The following SLX4IP variants were observed in gnomAD, a reference collection of about 807,000 sequenced individuals.
The protein encoded by SLX4IP is protein SLX4IP.
Under a neutral mutation model 32.9 loss-of-function variants are expected in SLX4IP, and 34 were observed. The observed-to-expected ratio is 1.03, with a 90% CI of 0.79 to 1.38. The LOEUF (loss-of-function observed/expected upper bound fraction) is 1.38, where lower values mean the gene tolerates loss of function less well. Ranked by LOEUF, SLX4IP falls within the 40% of genes most tolerant of loss-of-function variation. SLX4IP has a pLI of 0.00. For synonymous variants in SLX4IP, 172 were observed against 171.7 expected, an observed-to-expected ratio of 1.00 and a Z score of -0.01; for missense variants, 444 against 479.0, an observed-to-expected ratio of 0.93 and a Z score of 0.68.
chr20:10,602,149 C>T (rs532947515), intron 6 of SLX4IP, among the ~76,000 whole-genome samples: 4 of 152,238 alleles, frequency 2.6e-5, no homozygotes, highest in African/African-American at 9.6e-5. Flanking sequence ...AAGCAAAATC[C>T]ACATGTTTCC....
intron 1 of SLX4IP, among the ~76,000 whole-genome samples, chr20:10,446,317 C>A (rs2065202012): frequency 1.3e-5 from 2 of 148,346 alleles, no homozygotes; most frequent in South Asian, 4.2e-4. Context: ...GAGGCTGAGG[C>A]AAGAGAATCA....
chr20:10,548,360 T>G (rs1286759530), intron 2 of SLX4IP, among the ~76,000 whole-genome samples: 2 of 152,124 alleles, frequency 1.3e-5, no homozygotes, highest in Non-Finnish European at 2.9e-5. Flanking sequence ...TGCCTCAGCC[T>G]CCCGAGTAGC....
intron 2 of SLX4IP, among the ~76,000 whole-genome samples, chr20:10,511,997 G>A (rs1004621350): frequency 1.9e-4 from 29 of 152,204 alleles, no homozygotes; most frequent in African/African-American, 6.3e-4. Flanking sequence ...GAGATTATGG[G>A]ATTGGAAAGC....
intron 2 of SLX4IP, among the ~76,000 whole-genome samples, chr20:10,482,346 G>A (rs906759986): frequency 1.3e-5 from 2 of 152,106 alleles, no homozygotes; most frequent in South Asian, 2.1e-4. Context: ...TAATTTAATC[G>A]TGGTCTTATG....
chr20:10,446,867 T>C (rs547069849), intron 1 of SLX4IP, among the ~76,000 whole-genome samples: 4 of 150,502 alleles, frequency 2.7e-5, no homozygotes, highest in African/African-American at 9.7e-5. Flanking sequence ...AATCCTTTGT[T>C]AGATATGGAT....
chr20:10,462,763 G>T (rs1249098310), intron 2 of SLX4IP, among the ~76,000 whole-genome samples: 1 of 152,182 alleles, frequency 6.6e-6, no homozygotes, highest in Admixed American at 6.5e-5. Context: ...GATGATTACT[G>T]TGTATTTTGC....
intron 6 of SLX4IP, among the ~76,000 whole-genome samples, chr20:10,620,851 G>A (rs967474570): frequency 6.6e-5 from 10 of 152,122 alleles, no homozygotes; most frequent in Admixed American, 3.3e-4. Context: ...CACTGCACCC[G>A]GCCACAAAAT....
At chr20:10,470,196 T>C (rs1270075658) in intron 2 of SLX4IP, among the ~76,000 whole-genome samples, 1 of 152,212 alleles carries the variant, frequency 6.6e-6, no homozygotes, top group African/African-American at 2.4e-5. Flanking sequence ...TTACCATTAC[T>C]GCTCATCCGA....
chr20:10,489,317 C>T (rs751745219), intron 2 of SLX4IP, among the ~76,000 whole-genome samples: 1 of 152,028 alleles, frequency 6.6e-6, no homozygotes, highest in Non-Finnish European at 1.5e-5. Flanking sequence ...AGGAAACCAC[C>T]ACCCCCCTCT....
chr20:10,603,990 G>A (rs1568766931), intron 6 of SLX4IP, among the ~76,000 whole-genome samples: 1 of 152,176 alleles, frequency 6.6e-6, no homozygotes, highest in Non-Finnish European at 1.5e-5. Context: ...TTCCCTTCCA[G>A]AACTGCCTTC....
chr20:10,609,542 C>T (rs2066941872), intron 6 of SLX4IP, among the ~76,000 whole-genome samples: 1 of 152,170 alleles, frequency 6.6e-6, no homozygotes, highest in Non-Finnish European at 1.5e-5. Context: ...TTCTCTCTAG[C>T]TCTTAGACCC....
chr20:10,528,680 G>C (rs1471089040), intron 2 of SLX4IP, among the ~76,000 whole-genome samples: 1 of 152,152 alleles, frequency 6.6e-6, no homozygotes, highest in Non-Finnish European at 1.5e-5. Context: ...CAACAGAGGA[G>C]GGCCTAGACT....
intron 2 of SLX4IP, among the ~76,000 whole-genome samples, chr20:10,463,515 T>C (rs1015771529): frequency 1.3e-5 from 2 of 152,200 alleles, no homozygotes; most frequent in African/African-American, 4.8e-5. Flanking sequence ...GTTTCTGAAC[T>C]GCAACCAAAG....
intron 2 of SLX4IP, among the ~76,000 whole-genome samples, chr20:10,552,141 C>T (rs2066223995): frequency 6.6e-6 from 1 of 152,204 alleles, no homozygotes; most frequent in South Asian, 2.1e-4. Context: ...GAAGCCAGAC[C>T]AGACCCTGGC....
chr20:10,512,564 TTA>T lies in SLX4IP; in HGVS notation c.28-43656_28-43655del, dbSNP rs989679931. ...TGTGCCCCACCATCCCTGTCTAATT[TTA>T]TATATATATAGGTGTGTGTATATAT... On this transcript the variant is annotated intron_variant, in intron 2 of 7. Coordinates refer to ENST00000334534, the MANE Select transcript of SLX4IP (RefSeq NM_001009608.3). Among the ~76,000 whole-genome samples the T allele has an allele frequency of 1.4e-4, 20 of 144,322 alleles. No homozygotes were observed. The Admixed American group carries it at 1.4e-3, about 10-fold the overall frequency. The allele number at this position is 144,322 out of a possible 152,430, so 94.7% of individuals were successfully genotyped here.
chr20:10,474,443 C>T (rs1269431539), intron 2 of SLX4IP, among the ~76,000 whole-genome samples: 1 of 152,214 alleles, frequency 6.6e-6, no homozygotes, highest in Non-Finnish European at 1.5e-5. Context: ...AATGAGGCCC[C>T]ATACAATGTC....
intron 2 of SLX4IP, among the ~76,000 whole-genome samples, chr20:10,486,223 C>T (rs1462588487): frequency 1.4e-5 from 2 of 147,316 alleles, no homozygotes. Context: ...CATCCTAACA[C>T]AGTCTTGCAA....
chr20:10,438,389 T>G (rs1262818758), intron 1 of SLX4IP, among the ~76,000 whole-genome samples: 1 of 151,960 alleles, frequency 6.6e-6, no homozygotes, highest in African/African-American at 2.4e-5. Flanking sequence ...TGCCGCATTG[T>G]CATCCCTCCA....
chr20:10,558,151 G>A (rs779478017), intron 3 of SLX4IP, among the ~76,000 whole-genome samples: 1 of 152,008 alleles, frequency 6.6e-6, no homozygotes, highest in African/African-American at 2.4e-5. Context: ...ACCAGCCTGG[G>A]CAACATGGTG....
Sources: allele counts gnomAD v4.1 joint callset (sites outside exome capture counted in the v4.1 genomes callset), GRCh38; gene constraint gnomAD v4.1.1; transcripts MANE v1.5; gene names NCBI Gene and HGNC (gene_info 2026-07-23, HGNC 2026-07-21).